BUD31: variants seen among roughly 807,000 people sequenced by gnomAD.
BUD31 encodes the protein protein BUD31 homolog.
BUD31 carries 9 observed loss-of-function variants against 17.9 expected under a neutral mutation model. The ratio of observed to expected loss-of-function variants is 0.50; its 90% CI spans 0.30 to 0.88. The LOEUF (loss-of-function observed/expected upper bound fraction) is 0.88. BUD31 is among the 40% of genes least tolerant of loss of function. The pLI is 0.06. For missense variants in BUD31, 148 were observed against 184.5 expected, an observed-to-expected ratio of 0.80 and a Z score of 1.15; for synonymous variants, 70 against 64.7, an observed-to-expected ratio of 1.08 and a Z score of -0.39.
At chr7:99,414,921 G>A (rs1795331411) in intron 3 of BUD31, among the ~76,000 whole-genome samples, 1 of 152,176 alleles carries the variant, frequency 6.6e-6, no homozygotes, top group African/African-American at 2.4e-5. Context: ...TTCTTGAGGA[G>A]CCACCTAACT....
At chr7:99,415,950 A>G (rs1469812140) in intron 3 of BUD31, among the ~76,000 whole-genome samples, 188 bp from the exon 4 acceptor site, 1 of 150,024 alleles carries the variant, frequency 6.7e-6, no homozygotes, top group Admixed American at 6.7e-5. Flanking sequence ...TTCTTATTTT[A>G]TTTATTTTAT....
chr7:99,415,886 G>A (rs1795415896), intron 3 of BUD31, among the ~76,000 whole-genome samples: 1 of 151,892 alleles, frequency 6.6e-6, no homozygotes, highest in Non-Finnish European at 1.5e-5. Context: ...TACAAACTAA[G>A]GATTAATGAT....
Position 99,416,147 on chromosome 7 carries a change from A to G in BUD31, c.104A>G (p.Glu35Gly). 4 of 1,613,806 alleles carry G rather than the reference A, an allele frequency of 2.5e-6. No homozygotes were observed. Among genetic ancestry groups the G allele is most frequent in the African/African-American group, 1.3e-5 (1 of 75,044 alleles). Reference sequence around the variant, plus strand: ...CTTTGTTTCTCCCCAGCTGAAACAGAACCGCATGAGGGAAAGAGGAAAGTG... The same window carrying G: ...CTTTGTTTCTCCCCAGCTGAAACAGGACCGCATGAGGGAAAGAGGAAAGTG... Reference protein sequence around the residue: ...LDQKMREAETEPHEGKRKVES... With the variant: ...LDQKMREAETGPHEGKRKVES... The change falls in exon 4 of 6, where the codon GAA becomes GGA. Residue 35 changes from glutamate (E) to glycine (G), a missense_variant. Glu to Gly is a moderately conservative substitution (Grantham distance 98). Coordinates refer to ENST00000222969, the MANE Select transcript of BUD31 (RefSeq NM_003910.4).
chr7:99,416,005 G>T lies in BUD31; in HGVS notation c.95-133G>T. ...CCCTCGGTTTCTTGCCTCGGCACCT[G>T]GGTGGCTTGCCACCCACAGCCATCC... On this transcript the variant is annotated intron_variant, in intron 3 of 5. Transcript: ENST00000222969. The T allele has an allele frequency of 3.1e-6, 4 of 1,282,602 alleles. No homozygotes were observed. The East Asian group carries it at 7.2e-5, about 23-fold the overall frequency. The allele number at this position is 1,282,602 out of a possible 1,614,324, so 79.5% of individuals were successfully genotyped here.
At chr7:99,416,107 T>G in intron 3 of BUD31, 31 bp from the exon 4 acceptor site, 1 of 1,609,978 alleles carries the variant, frequency 6.2e-7, no homozygotes, top group Non-Finnish European at 8.5e-7. Context: ...CCGACCCTAT[T>G]CCCCCAAACA....
chr7:99,410,324 T>C (rs1455640730), intron 2 of BUD31, among the ~76,000 whole-genome samples, 155 bp downstream of exon 2: 1 of 149,540 alleles, frequency 6.7e-6, no homozygotes, highest in Admixed American at 6.7e-5. Flanking sequence ...GCTCAAGTGA[T>C]CCTCTTGCCT....
chr7:99,419,289 T>G (rs927864261), intron 5 of BUD31, 102 bp from the exon 6 acceptor site: 2 of 1,403,032 alleles, frequency 1.4e-6, no homozygotes, highest in African/African-American at 1.4e-5. Flanking sequence ...TGTCCCTATA[T>G]GGCATGGTGG....
Position 99,409,775 on chromosome 7 carries a change from G to T in BUD31, c.-165-259G>T, listed in dbSNP as rs1478671736. Among the ~76,000 whole-genome samples, 10 of 127,942 alleles carry T rather than the reference G, an allele frequency of 7.8e-5. No homozygotes were observed. In the East Asian group the frequency reaches 2.0e-3, roughly 26 times the overall value. The allele number at this position is 127,942 out of a possible 152,430, so 83.9% of individuals were successfully genotyped here. On this transcript the variant is annotated intron_variant, in intron 1 of 5. Transcript: ENST00000222969. ...TGAGAGGAGGCTCTGTGGGCGGGGG[G>T]GGGGTGGGTCTTTGTAAAGTGTCAG...
intron 3 of BUD31, among the ~76,000 whole-genome samples, chr7:99,414,341 C>T (rs1795303224): frequency 6.6e-6 from 1 of 152,044 alleles, no homozygotes; most frequent in African/African-American, 2.4e-5. Flanking sequence ...GGTTTCACCA[C>T]GTTGGTCAGG....
rs1040705367 is a variant in BUD31, at chr7:99,417,884, G to A, written c.384+289G>A. The A allele has an allele frequency of 2.7e-5, 36 of 1,353,900 alleles. 1 individual carries two copies. In the African/African-American group the frequency reaches 4.7e-4, roughly 18 times the overall value. 83.9% of individuals were successfully genotyped at this position (1,353,900 alleles called of 1,614,324 possible). ...GGTGGGGAGCCCTAATCCCAAGGTG[G>A]TGGCAGGGTGACATCAGGGAAGGAC... On this transcript the variant is annotated intron_variant, in intron 5 of 5. Transcript: ENST00000222969.
chr7:99,411,981 C>T (rs973826795), intron 3 of BUD31: 3 of 261,004 alleles, frequency 1.1e-5, no homozygotes, highest in African/African-American at 2.3e-5. Flanking sequence ...GATGGGATTA[C>T]AGGTATGAGC....
intron 5 of BUD31, 183 bp downstream of exon 5, chr7:99,417,778 G>T: frequency 6.5e-7 from 1 of 1,530,280 alleles, no homozygotes; most frequent in Non-Finnish European, 8.7e-7. Flanking sequence ...GCGTGTGGCT[G>T]TGTGTTTGTT....
At chr7:99,414,751 A>C (rs1195468050) in intron 3 of BUD31, among the ~76,000 whole-genome samples, 1 of 151,926 alleles carries the variant, frequency 6.6e-6, no homozygotes, top group Admixed American at 6.6e-5. Context: ...ATGCGCCACC[A>C]TGCCCTGCTA....
At chr7:99,409,785 C>A in intron 1 of BUD31, among the ~76,000 whole-genome samples, 1 of 140,068 alleles carries the variant, frequency 7.1e-6, no homozygotes, top group Non-Finnish European at 1.5e-5. Flanking sequence ...GGGGGTGGGT[C>A]TTTGTAAAGT....
At chr7:99,417,137 A>G (rs1444885031) in intron 4 of BUD31, 3 of 345,238 alleles carry the variant, frequency 8.7e-6, no homozygotes, top group Admixed American at 4.6e-5. Flanking sequence ...GGTCACTACA[A>G]CCTCCGCCTC....
At chr7:99,413,850 C>T (rs1217639922) in intron 3 of BUD31, among the ~76,000 whole-genome samples, 2 of 152,222 alleles carry the variant, frequency 1.3e-5, no homozygotes, top group East Asian at 3.9e-4. Flanking sequence ...CCTCGGCCTC[C>T]AAAAGTGCTG....
intron 3 of BUD31, among the ~76,000 whole-genome samples, chr7:99,414,112 T>G (rs1795292025): frequency 6.6e-6 from 1 of 152,112 alleles, no homozygotes; most frequent in South Asian, 2.1e-4. Context: ...AAAACAATTA[T>G]GTTTAAATTA....
At chr7:99,413,489 G>A (rs530849325) in intron 3 of BUD31, among the ~76,000 whole-genome samples, 1 of 152,348 alleles carries the variant, frequency 6.6e-6, no homozygotes, top group Non-Finnish European at 1.5e-5. Context: ...AGATGATTAG[G>A]ATGCCCATCT....
chr7:99,412,150 C>G (rs1014044234), intron 3 of BUD31, among the ~76,000 whole-genome samples: 24 of 152,120 alleles, frequency 1.6e-4, no homozygotes, highest in Non-Finnish European at 5.9e-5. Flanking sequence ...CTGTTCGTAC[C>G]AGATAACTTC....
Sources: allele counts gnomAD v4.1 joint callset (sites outside exome capture counted in the v4.1 genomes callset), GRCh38; gene constraint gnomAD v4.1.1; transcripts MANE v1.5; gene names NCBI Gene and HGNC (gene_info 2026-07-23, HGNC 2026-07-21).